APBA3: variants seen among roughly 807,000 people sequenced by gnomAD.
APBA3 encodes the protein amyloid beta precursor protein binding family A member 3, also known as amyloid-beta A4 precursor protein-binding family A member 3.
Under a neutral mutation model 55.9 loss-of-function variants are expected in APBA3, and 45 were observed. That is an observed-to-expected ratio of 0.80 (90% CI 0.63 to 1.03). APBA3 has a LOEUF of 1.03. Among genes scored for constraint, APBA3 ranks in the 50% least tolerant of loss-of-function variants. APBA3 has a pLI of 0.00. For missense variants in APBA3, 865 were observed against 820.3 expected (o/e 1.05, Z -0.67); for synonymous variants, 370 against 353.3 (o/e 1.05, Z -0.53).
In APBA3 at chr19:3,759,697, C is replaced by A; in HGVS notation, c.568G>T (p.Gly190Cys). The A allele has an allele frequency of 6.2e-7, 1 of 1,611,882 alleles. No individual in the cohort carries two copies. The change falls in exon 2 of 11, where the codon GGT (glycine) becomes TGT (cysteine). Residue 190 changes from glycine to cysteine, a missense_variant. Transcript: ENST00000316757. The part of the protein sequence containing the change: ...PLVTPEEPPA[G>C]AQSPETLASY... ...GGCGGGGCGGGCACTACCTGGGCACCAGCGGGTGGCTCTTCAGGTGTGACT... is the reference window on the plus strand; with the variant it reads ...GGCGGGGCGGGCACTACCTGGGCACAAGCGGGTGGCTCTTCAGGTGTGACT...
chr19:3,757,534 C>A (rs2037092944), intron 3 of APBA3, among the ~76,000 whole-genome samples: 1 of 152,100 alleles, frequency 6.6e-6, no homozygotes, highest in African/African-American at 2.4e-5. Context: ...GAGTTTGAGA[C>A]CAGCCTGACC....
chr19:3,759,626 G>C, intron 2 of APBA3, 26 bp from the exon 3 acceptor site: 1 of 1,604,212 alleles, frequency 6.2e-7, no homozygotes, highest in Non-Finnish European at 8.5e-7. Flanking sequence ...GGAGGGGCAG[G>C]ACTGAGTCTC....
chr19:3,755,733 T>C (rs1417353317), intron 3 of APBA3: 1 of 151,084 alleles, frequency 6.6e-6, no homozygotes, highest in Non-Finnish European at 1.5e-5. Context: ...GAGGTGGAGG[T>C]TGCAGTGAGC....
intron 6 of APBA3, 61 bp from the exon 7 acceptor site, chr19:3,753,051 TC>T: frequency 6.3e-7 from 1 of 1,576,140 alleles, no homozygotes. Context: ...GTCCCCAAAG[TC>T]CCCAGGGTCC....
Position 3,753,003 on chromosome 19 carries a change from G to C in APBA3, c.1012-13C>G, listed in dbSNP as rs1429505753. ...CGATGAGCTGGGCCTGCGGGGAGGA[G>C]TGGCGCGTCCCTGGGGTGTCCCACC... On this transcript the variant is annotated splice_polypyrimidine_tract_variant and intron_variant, in intron 6 of 10. Coordinates refer to ENST00000316757, the MANE Select transcript of APBA3 (RefSeq NM_004886.4). The C allele has an allele frequency of 6.2e-7, 1 of 1,608,688 alleles. No homozygotes were observed. The highest frequency in any genetic ancestry group is 8.5e-7 in the Non-Finnish European group (1 of 1,179,666).
intron 3 of APBA3, among the ~76,000 whole-genome samples, chr19:3,759,171 G>C (rs2037113468): frequency 6.6e-6 from 1 of 152,210 alleles, no homozygotes; most frequent in Non-Finnish European, 1.5e-5. Context: ...GGAGGTTGCA[G>C]TGAGCTGAGA....
chr19:3,755,339 G>A (rs549354935), intron 3 of APBA3: 8 of 152,232 alleles, frequency 5.3e-5, no homozygotes, highest in Admixed American at 5.2e-4. Context: ...ATCGCGTCAG[G>A]CAGCTCTTCC....
At position 3,752,955 on chromosome 19, in the gene APBA3, G is replaced by A. The variant is rs1048996924; in HGVS notation, c.1047C>T (p.Phe349=). ...GTAGGAACTGGCTGTAGGCGGCGGCGAAGGCCTGGCCAATGGCCTGGGCGA... is the reference window on the plus strand; with the variant it reads ...GTAGGAACTGGCTGTAGGCGGCGGCAAAGGCCTGGCCAATGGCCTGGGCGA... ...QLIAQAIGQA[F]AAAYSQFLRE... The change falls in exon 7 of 11, where the codon TTC becomes TTT. Residue 349 remains phenylalanine (F), a synonymous_variant. Coordinates refer to ENST00000316757, the MANE Select transcript of APBA3 (RefSeq NM_004886.4). The A allele has an allele frequency of 5.0e-6, 8 of 1,612,800 alleles. No homozygotes were observed. In the East Asian group the frequency reaches 6.7e-5, roughly 13 times the overall value.
chr19:3,758,587 T>C (rs1315889790), intron 3 of APBA3, among the ~76,000 whole-genome samples: 2 of 152,084 alleles, frequency 1.3e-5, no homozygotes, highest in Non-Finnish European at 2.9e-5. Flanking sequence ...TGTCAAGAAA[T>C]AGTATTCTTT....
chr19:3,754,576 G>T, intron 3 of APBA3: 1 of 516,582 alleles, frequency 1.9e-6, no homozygotes, highest in South Asian at 2.9e-5. Context: ...AGTGAGTCCA[G>T]GCCATGGCTG....
At chr19:3,753,104 C>T (rs1428255296) in intron 6 of APBA3, 114 bp from the exon 7 acceptor site, 1 of 1,213,606 alleles carries the variant, frequency 8.2e-7, no homozygotes, top group African/African-American at 1.5e-5. Flanking sequence ...GTGAGAGTCC[C>T]AGGACACAGC....
chr19:3,757,927 C>T (rs2037097372), intron 3 of APBA3, among the ~76,000 whole-genome samples: 1 of 152,150 alleles, frequency 6.6e-6, no homozygotes, highest in African/African-American at 2.4e-5. Context: ...TATTTATGTA[C>T]ACTGAAATTT....
At chr19:3,753,167 T>A (rs1599171950) in intron 6 of APBA3, 177 bp from the exon 7 acceptor site, 2 of 705,020 alleles carry the variant, frequency 2.8e-6, no homozygotes, top group East Asian at 5.5e-5. Flanking sequence ...TCTTGGGGAA[T>A]CTACGGGGAG....
chr19:3,758,508 C>G (rs1260558457), intron 3 of APBA3, among the ~76,000 whole-genome samples: 1 of 152,136 alleles, frequency 6.6e-6, no homozygotes, highest in Non-Finnish European at 1.5e-5. Context: ...ATCCTCCTGC[C>G]TCAGCCTCCC....
chr19:3,759,041 G>A (rs78141760), intron 3 of APBA3, among the ~76,000 whole-genome samples: 2 of 151,674 alleles, frequency 1.3e-5, no homozygotes, highest in East Asian at 2.0e-4. Flanking sequence ...GGGCAACATG[G>A]TGAAACCCCA....
Position 3,753,984 on chromosome 19 carries a change from C to A in APBA3, c.849+35G>T, listed in dbSNP as rs780418293. The A allele has an allele frequency of 3.8e-6, 6 of 1,588,936 alleles. No homozygotes were observed. The Admixed American group carries it at 1.1e-4, about 28-fold the overall frequency. On this transcript the variant is annotated intron_variant, in intron 5 of 10. Coordinates refer to ENST00000316757, the MANE Select transcript of APBA3 (RefSeq NM_004886.4). ...GGGGCCGTGCCAGGCTCGATCACCC[C>A]ACCCGCATCCCTGGGGCGGGTCCCT...
rs190095389 is a variant in APBA3 at position 3,759,273 on chromosome 19, C to T, written c.616+288G>A. Among the ~76,000 whole-genome samples, 5 of 152,292 alleles carry T rather than the reference C, an allele frequency of 3.3e-5. No individual in the cohort carries two copies. The East Asian group carries it at 7.7e-4, about 24-fold the overall frequency. The stretch of plus-strand genomic sequence containing the variant: ...AAAACCATCTTTAACTCGAGACCTA[C>T]GTGAGCAGGCAGTGAGTTGGGTCTG... On this transcript the variant is annotated intron_variant, in intron 3 of 10. Coordinates refer to ENST00000316757, the MANE Select transcript of APBA3 (RefSeq NM_004886.4).
chr19:3,759,860 G>C lies in APBA3; in HGVS notation c.405C>G (p.Ala135=). ...CCTCAGGGGGCTGCAACAGTCGGGGGGCAGGCTCTAGAGGCTCTTCAGGAC... is the reference window on the plus strand; with the variant it reads ...CCTCAGGGGGCTGCAACAGTCGGGGCGCAGGCTCTAGAGGCTCTTCAGGAC... The part of the protein sequence containing the change: ...QTGPEEPLEP[A]PRLLQPPEDP... Residue 135 remains alanine (A), a synonymous_variant, in exon 2 of 11, where the codon GCC becomes GCG. Transcript: ENST00000316757. 6.2e-7 allele frequency: 1 copy of C among 1,612,614 alleles called. No homozygotes were observed. Among genetic ancestry groups the C allele is most frequent in the East Asian group, 2.2e-5 (1 of 44,870 alleles).
At position 3,754,239 on chromosome 19, in the gene APBA3, T is replaced by C; in HGVS notation, c.718A>G (p.Ser240Gly). 1 of 1,545,316 alleles carries C rather than the reference T, an allele frequency of 6.5e-7. No individual in the cohort carries two copies. Among genetic ancestry groups the C allele is most frequent in the Non-Finnish European group, 8.7e-7 (1 of 1,145,654 alleles). Reference sequence around the variant, plus strand: ...TCCCGGGCCTGGGCCATGCGCGTGCTGGTGGGCGGGTTCCGTTCCGACACC... The same window carrying C: ...TCCCGGGCCTGGGCCATGCGCGTGCCGGTGGGCGGGTTCCGTTCCGACACC... ...QLVSERNPPT[S>G]TRMAQAREAM... is the part of the protein sequence containing the mutation. Residue 240 changes from serine to glycine, a missense_variant, in exon 4 of 11, where the codon AGC (serine) becomes GGC (glycine). By Grantham distance (56) the Ser-to-Gly change is moderately conservative. Coordinates refer to ENST00000316757, the MANE Select transcript of APBA3 (RefSeq NM_004886.4).
Sources: gnomAD v4.1 joint callset for allele counts (sites outside exome capture counted in the v4.1 genomes callset) on GRCh38, gnomAD v4.1.1 for gene constraint, MANE v1.5 for transcripts, NCBI Gene and HGNC (gene_info 2026-07-23, HGNC 2026-07-21) for gene names.